FAM117A: variants seen among roughly 807,000 people sequenced by gnomAD.
The protein encoded by FAM117A is family with sequence similarity 117 member A.
Under a neutral mutation model 44.1 loss-of-function variants are expected in FAM117A, and 21 were observed. The ratio of observed to expected loss-of-function variants is 0.48; its 90% CI spans 0.34 to 0.69. FAM117A has a LOEUF of 0.69. FAM117A is among the 30% of genes least tolerant of loss of function. The probability of loss-of-function intolerance (pLI) is 0.01; values close to 1 mark genes in which losing one functional copy is unlikely to be tolerated. For synonymous variants in FAM117A, 220 were observed against 238.3 expected, an observed-to-expected ratio of 0.92 and a Z score of 0.71; for missense variants, 498 against 589.9, an observed-to-expected ratio of 0.84 and a Z score of 1.61.
rs2073601649 is a variant in FAM117A at position 49,734,478 on chromosome 17, G to C, written c.197-1758C>G. Among the ~76,000 whole-genome samples, 4 of 152,014 alleles carry C rather than the reference G, an allele frequency of 2.6e-5. No homozygotes were observed. The South Asian group carries it at 8.3e-4, about 32-fold the overall frequency. On this transcript the variant is annotated intron_variant, in intron 1 of 7. Transcript: ENST00000240364. ...TTGGTGGCGAGTGCCTGTAGTCCCA[G>C]CTACTCGGGAGGCTGAGGCAGGAGA...
upstream of FAM117A, among the ~76,000 whole-genome samples, chr17:49,766,608 CT>C (rs1422763237): frequency 6.6e-6 from 1 of 152,226 alleles, no homozygotes; most frequent in Non-Finnish European, 1.5e-5. Context: ...GAAAGCTTTT[CT>C]TGTCTGACAA....
chr17:49,788,415 A>T, intron 1 of FAM117A: 1 of 172,738 alleles, frequency 5.8e-6, no homozygotes. Context: ...CCCAAGGTAA[A>T]GATGAGAACC....
chr17:49,723,792 T>C (rs1003346424), intron 2 of FAM117A, among the ~76,000 whole-genome samples: 3 of 152,070 alleles, frequency 2.0e-5, no homozygotes, highest in Non-Finnish European at 4.4e-5. Context: ...CCACTGGGGA[T>C]TGGGGCTCCC....
intron 1 of FAM117A, among the ~76,000 whole-genome samples, chr17:49,736,952 T>C (rs2073613293): frequency 6.6e-6 from 1 of 152,222 alleles, no homozygotes; most frequent in Non-Finnish European, 1.5e-5. Context: ...GTCTAAAGCA[T>C]AGGGCTGGCA....
At chr17:49,754,272 C>A (rs983811459) in intron 1 of FAM117A, among the ~76,000 whole-genome samples, 1 of 151,698 alleles carries the variant, frequency 6.6e-6, no homozygotes, top group South Asian at 2.1e-4. Flanking sequence ...CCCAAAGCCA[C>A]GTGGGCGACC....
rs1481389416 is a variant in FAM117A at position 49,788,496 on chromosome 17, C to T, written c.-621+1G>A. 18 of 306,504 alleles carry T rather than the reference C, an allele frequency of 5.9e-5. No homozygotes were observed. Among genetic ancestry groups the T allele is most frequent in the Non-Finnish European group, 1.0e-4 (17 of 165,456 alleles). 19.0% of individuals were successfully genotyped at this position (306,504 alleles called of 1,614,324 possible). A position where few individuals can be genotyped will look rare whatever the true frequency, so the allele number is the denominator to read the frequency against. ...CCACGCCCACAAACAGAGCCACTCACGTAACTAAAAATGGTTGGCTCCGGG... is the reference window on the plus strand; with the variant it reads ...CCACGCCCACAAACAGAGCCACTCATGTAACTAAAAATGGTTGGCTCCGGG... On this transcript the variant is annotated splice_donor_variant, in intron 1 of 7. Coordinates refer to the FAM117A transcript ENST00000513602. LOFTEE classifies it low-confidence loss of function (5UTR_SPLICE).
intron 6 of FAM117A, 45 bp downstream of exon 6, chr17:49,717,468 A>T (rs1263020350): frequency 6.3e-7 from 1 of 1,577,064 alleles, no homozygotes; most frequent in Non-Finnish European, 8.7e-7. Flanking sequence ...GGAGCCACTC[A>T]TGTGCCCCAG....
chr17:49,743,949 G>A (rs1032324102), intron 1 of FAM117A, among the ~76,000 whole-genome samples: 1 of 151,936 alleles, frequency 6.6e-6, no homozygotes, highest in African/African-American at 2.4e-5. Flanking sequence ...AGGTTGGGGG[G>A]GGCGTCCCTT....
At chr17:49,782,675 G>A (rs933311039) in intron 1 of FAM117A, among the ~76,000 whole-genome samples, 2 of 135,400 alleles carry the variant, frequency 1.5e-5, no homozygotes, top group African/African-American at 6.1e-5. Flanking sequence ...GGGTGACAGA[G>A]CTAGACTTTG....
intron 1 of FAM117A, among the ~76,000 whole-genome samples, chr17:49,739,708 T>C (rs1025612105): frequency 2.6e-5 from 4 of 152,078 alleles, no homozygotes; most frequent in Non-Finnish European, 4.4e-5. Context: ...ATTTAGGAAA[T>C]AGGGGAGGGA....
chr17:49,768,513 C>G (rs1177944358), upstream of FAM117A, among the ~76,000 whole-genome samples: 1 of 152,154 alleles, frequency 6.6e-6, no homozygotes, highest in African/African-American at 2.4e-5. Flanking sequence ...CTCCAAGTTC[C>G]AAAATAATAA....
At chr17:49,747,056 A>G (rs1451503944) in intron 1 of FAM117A, 1 of 152,068 alleles carries the variant, frequency 6.6e-6, no homozygotes, top group Non-Finnish European at 1.5e-5. Flanking sequence ...CCAACTATTA[A>G]AGGGTAAATA....
At position 49,754,986 on chromosome 17, in the gene FAM117A, C is replaced by T. The variant is rs112370385; in HGVS notation, c.196+8906G>A. Among the ~76,000 whole-genome samples the T allele has an allele frequency of 8.5e-3, 1,233 of 145,886 alleles. 18 individuals are homozygous for T. Among genetic ancestry groups the T allele is most frequent in the African/African-American group, 0.029 (1,152 of 39,114 alleles). ...CCGGGAGGTGGAGGTTGTGGTGAGC[C>T]GAGATCGCACCATTGCACTCCAGCC... is the stretch of plus-strand genomic sequence containing the variant. On this transcript the variant is annotated intron_variant, in intron 1 of 7. Transcript: ENST00000240364.
chr17:49,784,570 C>T (rs2073799898), intron 1 of FAM117A, among the ~76,000 whole-genome samples: 1 of 152,220 alleles, frequency 6.6e-6, no homozygotes, highest in African/African-American at 2.4e-5. Context: ...TGCTCCTCCA[C>T]ACCTCTCTAC....
At chr17:49,728,431 G>A (rs1225013359) in intron 2 of FAM117A, among the ~76,000 whole-genome samples, 1 of 150,934 alleles carries the variant, frequency 6.6e-6, no homozygotes, top group East Asian at 1.9e-4. Flanking sequence ...TTTCTAAAGG[G>A]TAAGTTGGGG....
intron 1 of FAM117A, among the ~76,000 whole-genome samples, chr17:49,740,625 T>C (rs2073630637): frequency 6.6e-6 from 1 of 152,198 alleles, no homozygotes; most frequent in Non-Finnish European, 1.5e-5. Context: ...AAGAACCTGC[T>C]GATGAGATTG....
intron 1 of FAM117A, among the ~76,000 whole-genome samples, chr17:49,743,401 A>C (rs2073642244): frequency 6.6e-6 from 1 of 151,880 alleles, no homozygotes; most frequent in African/African-American, 2.4e-5. Flanking sequence ...CTTGAGACCG[A>C]CCTGGGCAAC....
intron 1 of FAM117A, among the ~76,000 whole-genome samples, chr17:49,775,548 G>A (rs1477897425): frequency 6.6e-6 from 1 of 152,256 alleles, no homozygotes; most frequent in Non-Finnish European, 1.5e-5. Flanking sequence ...TTCGGCAGGC[G>A]GTTTCTCCTG....
chr17:49,764,647 C>T (rs1351028932), upstream of FAM117A, among the ~76,000 whole-genome samples: 2 of 152,184 alleles, frequency 1.3e-5, no homozygotes, highest in Non-Finnish European at 2.9e-5. Flanking sequence ...ACCTAAAAAA[C>T]ATTAGTTTTA....
Sources: allele counts gnomAD v4.1 joint callset (sites outside exome capture counted in the v4.1 genomes callset), GRCh38; gene constraint gnomAD v4.1.1; transcripts MANE v1.5; gene names NCBI Gene and HGNC (gene_info 2026-07-23, HGNC 2026-07-21).